Variants in MPPED2 observed in about 807,000 individuals in gnomAD.
MPPED2 encodes metallophosphoesterase MPPED2.
In MPPED2, 5 loss-of-function variants were observed where a neutral mutation model predicts 33.0. That is an observed-to-expected ratio of 0.15 (90% confidence interval 0.08 to 0.32). The LOEUF (loss-of-function observed/expected upper bound fraction) is 0.32, where lower values mean the gene tolerates loss of function less well. Among genes scored for constraint, MPPED2 ranks in the 10% least tolerant of loss-of-function variants. The pLI, the probability that MPPED2 is intolerant of heterozygous loss-of-function variation, is 1.00. For missense variants in MPPED2, 275 were observed against 372.1 expected, an observed-to-expected ratio of 0.74 and a Z score of 2.15; for synonymous variants, 136 against 141.9, an observed-to-expected ratio of 0.96 and a Z score of 0.29.
rs1948072589 is a variant in MPPED2, at chr11:30,410,749, T to G, written c.*719A>C. On this transcript the variant is annotated 3_prime_UTR_variant, in exon 7 of 7. Transcript: ENST00000358117. Reference sequence around the variant, plus strand: ...CCATATTGAAAAGGAGTCTGCATGTTCATTTTTTTAACCGTATGAAATACC... The same window carrying G: ...CCATATTGAAAAGGAGTCTGCATGTGCATTTTTTTAACCGTATGAAATACC... 1 of 984,596 alleles carries G rather than the reference T, an allele frequency of 1.0e-6. No homozygotes were observed. The highest frequency in any genetic ancestry group is 1.7e-5 in the African/African-American group (1 of 57,218). The allele number at this position is 984,596 out of a possible 1,614,324, so 61.0% of individuals were successfully genotyped here.
intron 2 of MPPED2, among the ~76,000 whole-genome samples, chr11:30,552,759 C>A (rs7125669): frequency 2.6e-5 from 4 of 151,996 alleles, no homozygotes; most frequent in African/African-American, 4.8e-5. Flanking sequence ...GCTATACCCC[C>A]CAAAGGCTTT....
intron 3 of MPPED2, among the ~76,000 whole-genome samples, chr11:30,512,818 T>C (rs934506919): frequency 6.6e-6 from 1 of 152,130 alleles, no homozygotes; most frequent in Admixed American, 6.5e-5. Context: ...CTGGTCAATA[T>C]GGTGAAAACT....
intron 2 of MPPED2, among the ~76,000 whole-genome samples, chr11:30,558,619 G>T (rs567560938): frequency 6.7e-6 from 1 of 150,004 alleles, no homozygotes; most frequent in Non-Finnish European, 1.5e-5. Context: ...ACAGGGTCTT[G>T]CTATGTTGCC....
chr11:30,510,666 T>C (rs1306823198), intron 3 of MPPED2, among the ~76,000 whole-genome samples: 1 of 152,208 alleles, frequency 6.6e-6, no homozygotes, highest in Non-Finnish European at 1.5e-5. Context: ...CATTGACTCT[T>C]AAATGGTGAA....
intron 6 of MPPED2, among the ~76,000 whole-genome samples, chr11:30,391,869 C>T (rs965451106): frequency 1.3e-5 from 2 of 152,172 alleles, no homozygotes; most frequent in African/African-American, 4.8e-5. Context: ...CAGGAAGTCA[C>T]ATGAAAAGGG....
At chr11:30,393,259 C>T (rs373942865) in intron 6 of MPPED2, among the ~76,000 whole-genome samples, 2 of 151,986 alleles carry the variant, frequency 1.3e-5, no homozygotes, top group African/African-American at 4.8e-5. Context: ...TCTCTGCTCT[C>T]ACTACATCCT....
intron 4 of MPPED2, among the ~76,000 whole-genome samples, chr11:30,462,989 A>T (rs1950566817): frequency 6.6e-6 from 1 of 152,210 alleles, no homozygotes; most frequent in Non-Finnish European, 1.5e-5. Context: ...ACTTTCCTAA[A>T]GAACCTGTGG....
intron 2 of MPPED2, among the ~76,000 whole-genome samples, chr11:30,539,245 A>G (rs1954972769): frequency 6.6e-6 from 1 of 152,152 alleles, no homozygotes; most frequent in Admixed American, 6.6e-5. Context: ...GAAGGCCCTC[A>G]CACTATATTT....
At chr11:30,420,244 A>G (rs1353966180) in intron 4 of MPPED2, among the ~76,000 whole-genome samples, 3 of 152,192 alleles carry the variant, frequency 2.0e-5, no homozygotes, top group Non-Finnish European at 4.4e-5. Flanking sequence ...GAGTGATGCA[A>G]TGTGAGAAGG....
intron 2 of MPPED2, among the ~76,000 whole-genome samples, chr11:30,550,954 C>G (rs1955682335): frequency 6.6e-6 from 1 of 152,212 alleles, no homozygotes; most frequent in African/African-American, 2.4e-5. Flanking sequence ...TCTGACCTGC[C>G]TGCTATTCCC....
chr11:30,446,279 CTCA>C (rs1346903684), intron 4 of MPPED2, among the ~76,000 whole-genome samples: 1 of 152,216 alleles, frequency 6.6e-6, no homozygotes, highest in African/African-American at 2.4e-5. Flanking sequence ...CCTGAAAAGA[CTCA>C]TCATTCAGCT....
chr11:30,494,814 G>T (rs1363033363), intron 4 of MPPED2, among the ~76,000 whole-genome samples: 1 of 150,320 alleles, frequency 6.7e-6, no homozygotes, highest in Non-Finnish European at 1.5e-5. Flanking sequence ...TTGGAAAAAG[G>T]ATTGCCTCTA....
chr11:30,398,911 T>C (rs1947871800), intron 6 of MPPED2, among the ~76,000 whole-genome samples: 2 of 152,116 alleles, frequency 1.3e-5, no homozygotes, highest in Admixed American at 1.3e-4. Flanking sequence ...TGGTTATAAA[T>C]GTTTTTTTAT....
intron 3 of MPPED2, among the ~76,000 whole-genome samples, chr11:30,530,306 C>T (rs919493973): frequency 6.6e-6 from 1 of 152,218 alleles, no homozygotes; most frequent in Non-Finnish European, 1.5e-5. Context: ...CAGGAAAAAA[C>T]ATCTTGTACC....
chr11:30,397,414 A>C (rs808152), intron 6 of MPPED2, among the ~76,000 whole-genome samples: 55,160 of 151,910 alleles, frequency 0.36, 10,327 homozygotes, highest in African/African-American at 0.38. Flanking sequence ...TTTGCTGTTA[A>C]ATTTGGTTGA....
intron 3 of MPPED2, among the ~76,000 whole-genome samples, chr11:30,533,809 GCTGTGCCTTGGCATTTTATTTCCTTA>G (rs1405799355): frequency 2.0e-4 from 31 of 152,222 alleles, no homozygotes; most frequent in Non-Finnish European, 3.8e-4. Context: ...TGACCATGCA[GCTGTGCCTTGGCATTTTATTTCCTTA>G]TCATTGTATT....
At position 30,502,310 on chromosome 11, in the gene MPPED2, T is replaced by A. The variant is rs1170625043; in HGVS notation, c.311-6789A>T. 2.0e-5 allele frequency among the ~76,000 whole-genome samples: 3 copies of A among 152,220 alleles called. No individual in the cohort carries two copies. In the East Asian group the frequency reaches 5.8e-4, roughly 29 times the overall value. On this transcript the variant is annotated intron_variant, in intron 3 of 6. Transcript: ENST00000358117. Reference sequence around the variant, plus strand: ...TCCTCCTCATGCCATTATCCATCTATAGTAACCTTTTATCTAATATTAAGC... The same window carrying A: ...TCCTCCTCATGCCATTATCCATCTAAAGTAACCTTTTATCTAATATTAAGC...
chr11:30,550,069 T>C (rs1955626248), intron 2 of MPPED2, among the ~76,000 whole-genome samples: 1 of 152,156 alleles, frequency 6.6e-6, no homozygotes, highest in Non-Finnish European at 1.5e-5. Context: ...TGACTCAACA[T>C]TTTAATGGGC....
chr11:30,504,565 A>G (rs1952728384), intron 3 of MPPED2, among the ~76,000 whole-genome samples: 1 of 152,116 alleles, frequency 6.6e-6, no homozygotes, highest in Non-Finnish European at 1.5e-5. Flanking sequence ...GTTGGTACCC[A>G]CTGCATACTC....
Sources: allele counts gnomAD v4.1 joint callset (sites outside exome capture counted in the v4.1 genomes callset), GRCh38; gene constraint gnomAD v4.1.1; transcripts MANE v1.5; gene names NCBI Gene and HGNC (gene_info 2026-07-23, HGNC 2026-07-21).